TMEM201: variants seen among roughly 807,000 people sequenced by gnomAD.
TMEM201 encodes transmembrane protein 201.
Under a neutral mutation model 63.4 loss-of-function variants are expected in TMEM201, and 26 were observed. The ratio of observed to expected loss-of-function variants is 0.41; its 90% CI spans 0.30 to 0.57. The LOEUF (loss-of-function observed/expected upper bound fraction) is 0.57. TMEM201 is among the 20% of genes least tolerant of loss of function. The probability of loss-of-function intolerance (pLI) is 0.29; values close to 1 mark genes in which losing one functional copy is unlikely to be tolerated. For missense variants in TMEM201, 794 were observed against 917.7 expected, an observed-to-expected ratio of 0.87 and a Z score of 1.74; for synonymous variants, 417 against 421.6, an observed-to-expected ratio of 0.99 and a Z score of 0.14.
At chr1:9,591,774 C>A (rs746863401) in intron 1 of TMEM201, among the ~76,000 whole-genome samples, 1 of 152,206 alleles carries the variant, frequency 6.6e-6, no homozygotes, top group Admixed American at 6.5e-5. Context: ...CAGGCTCCCC[C>A]CTCCCACTCA....
In TMEM201 at chr1:9,609,003, C is replaced by T. The variant is rs535102939; in HGVS notation, c.1394-837C>T. Among the ~76,000 whole-genome samples, 13 of 152,250 alleles carry T rather than the reference C, an allele frequency of 8.5e-5. No individual in the cohort carries two copies. The East Asian group carries it at 1.2e-3, about 14-fold the overall frequency. On this transcript the variant is annotated intron_variant, in intron 7 of 10. Coordinates refer to ENST00000340381, the MANE Select transcript of TMEM201 (RefSeq NM_001130924.3). ...TCATGTATTCAGAGACGCGCTGGAC[C>T]GGGCTCAGGTGCTGTGGCCAGAATC... is the stretch of plus-strand genomic sequence containing the variant.
chr1:9,601,315 C>A lies in TMEM201; in HGVS notation c.817C>A (p.Gln273Lys), dbSNP rs777011819. ...GTTPGAEGWR[Q>K]LLGLLPEHMA... ...CACCCCTGGGGCCGAGGGCTGGCGG[C>A]AGTTGCTGGGCCTACTCCCCGAGCA... is the stretch of plus-strand genomic sequence containing the variant. The change falls in exon 5 of 11, where the codon CAG (glutamine) becomes AAG (lysine). Residue 273 changes from glutamine (Q) to lysine (K), a missense_variant. By Grantham distance (53) the Gln-to-Lys change is moderately conservative (BLOSUM62 1). Transcript: ENST00000340381. 1.2e-6 allele frequency: 2 copies of A among 1,609,496 alleles called. No homozygotes were observed. The highest frequency in any genetic ancestry group is 1.7e-6 in the Non-Finnish European group (2 of 1,179,846).
chr1:9,591,414 C>T (rs1160318000), intron 1 of TMEM201, among the ~76,000 whole-genome samples: 1 of 152,270 alleles, frequency 6.6e-6, no homozygotes, highest in Non-Finnish European at 1.5e-5. Flanking sequence ...GGCTGCTTCT[C>T]TGCACCTATG....
At chr1:9,594,176 G>A (rs1358937607) in intron 1 of TMEM201, among the ~76,000 whole-genome samples, 1 of 152,254 alleles carries the variant, frequency 6.6e-6, no homozygotes, top group Non-Finnish European at 1.5e-5. Context: ...GCCCTAGAAG[G>A]CAGAGCTGCT....
chr1:9,600,605 G>T (rs546750441), intron 4 of TMEM201, among the ~76,000 whole-genome samples: 9 of 152,168 alleles, frequency 5.9e-5, no homozygotes, highest in Non-Finnish European at 1.0e-4. Flanking sequence ...TGGGCATGTT[G>T]CTTCCCCAGA....
rs1214774792 is a variant in TMEM201 at position 9,604,206 on chromosome 1, A to G, written c.1160+1934A>G. 1.0e-6 allele frequency: 1 copy of G among 985,306 alleles called. No individual in the cohort carries two copies. Among genetic ancestry groups the G allele is most frequent in the African/African-American group, 1.7e-5 (1 of 57,234 alleles). The allele number at this position is 985,306 out of a possible 1,614,324, so 61.0% of individuals were successfully genotyped here. ...ATGTCTGCTTTTCTTGGCGTTGGGT[A>G]GAAGCAGGACATCTGTGTGTATGTG... is the stretch of plus-strand genomic sequence containing the variant. On this transcript the variant is annotated intron_variant, in intron 6 of 10. Coordinates refer to ENST00000340381, the MANE Select transcript of TMEM201 (RefSeq NM_001130924.3). The surrounding 1 kb of genome is among the most constrained non-coding windows in gnomAD (Gnocchi z 4.1).
intron 6 of TMEM201, chr1:9,602,960 C>T: frequency 1.0e-6 from 1 of 985,642 alleles, no homozygotes. Flanking sequence ...GAGTGCAGTT[C>T]TTGGGCCCAG....
At position 9,611,888 on chromosome 1, in the gene TMEM201, G is replaced by A. The variant is rs1388053806; in HGVS notation, c.1901G>A (p.Arg634Lys). 6.5e-7 allele frequency: 1 copy of A among 1,547,758 alleles called. No individual in the cohort carries two copies. The highest frequency in any genetic ancestry group is 8.7e-7 in the Non-Finnish European group (1 of 1,145,618). Reference sequence around the variant, plus strand: ...TGCTCGGAGGAGGCCGCCACCTGGAGAGGTCTGTACCCTGAGGTGCGGGAG... The same window carrying A: ...TGCTCGGAGGAGGCCGCCACCTGGAAAGGTCTGTACCCTGAGGTGCGGGAG... ...RGCSEEAATW[R>K]GRFGPSLVRG... Residue 634 changes from arginine to lysine, a missense_variant and splice_region_variant, in exon 10 of 11, where the codon AGA becomes AAA. By Grantham distance (26) the Arg-to-Lys change is conservative (BLOSUM62 2). Coordinates refer to ENST00000340381, the MANE Select transcript of TMEM201 (RefSeq NM_001130924.3).
rs375495539 is a variant in TMEM201 at position 9,610,723 on chromosome 1, G to A, written c.1683G>A (p.Ser561=). ...CGCCCAGCAGCTCCGATGAGCACTC[G>A]CCTCACAACGGCAGCCTCTTCACCA... ...PTTPSSSDEH[S]PHNGSLFTME... Residue 561 remains serine (S), a synonymous_variant, in exon 9 of 11, where the codon TCG becomes TCA. Coordinates refer to ENST00000340381, the MANE Select transcript of TMEM201 (RefSeq NM_001130924.3). The surrounding 1 kb of genome is among the most constrained non-coding windows in gnomAD (Gnocchi z 4.9). 4.4e-5 allele frequency: 68 copies of A among 1,550,414 alleles called. No individual in the cohort carries two copies. The highest frequency in any genetic ancestry group is 1.9e-4 in the African/African-American group (14 of 73,156).
chr1:9,594,775 C>T (rs1290612707), intron 1 of TMEM201, among the ~76,000 whole-genome samples: 1 of 152,258 alleles, frequency 6.6e-6, no homozygotes, highest in Non-Finnish European at 1.5e-5. Context: ...TGCGTCCTTG[C>T]AGCATGCAGA....
chr1:9,605,456 G>C lies in TMEM201; in HGVS notation c.1161-2101G>C, dbSNP rs769175920. Among the ~76,000 whole-genome samples the C allele has an allele frequency of 1.3e-4, 20 of 148,762 alleles. No individual in the cohort carries two copies. Among genetic ancestry groups the C allele is most frequent in the Admixed American group, 1.1e-3 (16 of 15,118 alleles). On this transcript the variant is annotated intron_variant, in intron 6 of 10. Coordinates refer to ENST00000340381, the MANE Select transcript of TMEM201 (RefSeq NM_001130924.3). This position sits in a 1 kb window ranked among gnomAD's most constrained non-coding sequence, Gnocchi z 5.7. ...TGGTTTGAGGGCACAGGGCAGTCGG[G>C]GGGGGTCTCTCGCCAAAGGAAATGT...
intron 5 of TMEM201, among the ~76,000 whole-genome samples, 187 bp downstream of exon 5, chr1:9,601,641 A>G (rs1644145140): frequency 6.6e-6 from 1 of 152,162 alleles, no homozygotes. Context: ...ACGCCCTCTG[A>G]GCCAGCCCCG....
intron 6 of TMEM201, among the ~76,000 whole-genome samples, chr1:9,606,914 C>T (rs1407373483): frequency 1.3e-5 from 2 of 152,196 alleles, no homozygotes; most frequent in Non-Finnish European, 2.9e-5. Flanking sequence ...GGTTCCAAGG[C>T]CTGGCTGCCC....
chr1:9,613,941 C>G lies in TMEM201; in HGVS notation c.*858C>G, dbSNP rs1193500727. The G allele has an allele frequency of 6.6e-6, 1 of 152,386 alleles. No homozygotes were observed. Among genetic ancestry groups the G allele is most frequent in the Non-Finnish European group, 1.5e-5 (1 of 68,170 alleles). The allele number at this position is 152,386 out of a possible 1,614,324, so 9.4% of individuals were successfully genotyped here. On this transcript the variant is annotated 3_prime_UTR_variant, in exon 11 of 11. Coordinates refer to ENST00000340381, the MANE Select transcript of TMEM201 (RefSeq NM_001130924.3). ...CCTACTGGGCACCTGCCTCCAGCCC[C>G]TGAGAACTCCATCTTCCCCTAGTTC...
chr1:9,602,645 T>C, intron 6 of TMEM201: 1 of 1,168,824 alleles, frequency 8.6e-7, no homozygotes, highest in Non-Finnish European at 1.1e-6. Flanking sequence ...CGCCGTTTGC[T>C]GGCTCTGACA....
rs749549242 is a variant in TMEM201, at chr1:9,614,588, C to T, written c.*1505C>T. ...CAACTCGGAGGCAGCGCCTCTTGGT[C>T]CCCATTTCTGTATAGCAGGCGTGTG... On this transcript the variant is annotated 3_prime_UTR_variant, in exon 11 of 11. Transcript: ENST00000340381. 6.6e-6 allele frequency: 1 copy of T among 152,092 alleles called. No homozygotes were observed. Among genetic ancestry groups the T allele is most frequent in the East Asian group, 1.9e-4 (1 of 5,150 alleles). The allele number at this position is 152,092 out of a possible 1,614,324, so 9.4% of individuals were successfully genotyped here.
rs1207473179 is a variant in TMEM201 at position 9,608,608 on chromosome 1, GC to G, written c.1393+820del. Reference sequence around the variant, plus strand: ...GAACTTGGGGTGGGAGGTGCCAGGAGCAGCCCTGCCCTGGGCCTGAGCACTC... The same window carrying G: ...GAACTTGGGGTGGGAGGTGCCAGGAGAGCCCTGCCCTGGGCCTGAGCACTC... On this transcript the variant is annotated intron_variant, in intron 7 of 10. Transcript: ENST00000340381. This position sits in a 1 kb window ranked among gnomAD's most constrained non-coding sequence, Gnocchi z 4.3. Among the ~76,000 whole-genome samples the G allele has an allele frequency of 6.6e-6, 1 of 152,232 alleles. No individual in the cohort carries two copies.
chr1:9,601,688 C>T (rs1644146323), intron 5 of TMEM201, among the ~76,000 whole-genome samples: 1 of 152,140 alleles, frequency 6.6e-6, no homozygotes, highest in Non-Finnish European at 1.5e-5. Context: ...GTTGCCTCCT[C>T]TCTCCTCCTC....
rs1001574527 is a variant in TMEM201 at position 9,604,315 on chromosome 1, G to T, written c.1160+2043G>T. The T allele has an allele frequency of 3.2e-5, 32 of 985,322 alleles. No homozygotes were observed. The highest frequency in any genetic ancestry group is 3.6e-5 in the Non-Finnish European group (30 of 829,948). The allele number at this position is 985,322 out of a possible 1,614,324, so 61.0% of individuals were successfully genotyped here. ...CTCCTGCCGAGCTGATGTCGCTCCT[G>T]CCCTCTGCCGGGGTCCGGAAGCGAC... is the stretch of plus-strand genomic sequence containing the variant. On this transcript the variant is annotated intron_variant, in intron 6 of 10. Coordinates refer to ENST00000340381, the MANE Select transcript of TMEM201 (RefSeq NM_001130924.3). The surrounding 1 kb of genome is among the most constrained non-coding windows in gnomAD (Gnocchi z 4.1).
Sources: gnomAD v4.1 joint callset for allele counts (sites outside exome capture counted in the v4.1 genomes callset) on GRCh38, gnomAD v4.1.1 for gene constraint, Gnocchi (gnomAD v3.1) non-coding constraint, MANE v1.5 for transcripts, NCBI Gene and HGNC (gene_info 2026-07-23, HGNC 2026-07-21) for gene names.